The following TRIM14 variants were observed in gnomAD, a reference collection of about 807,000 sequenced individuals.
TRIM14 encodes the protein tripartite motif containing 14.
In TRIM14, 28 loss-of-function variants were observed where a neutral mutation model predicts 44.5. The observed-to-expected ratio is 0.63, with a 90% CI of 0.47 to 0.86. TRIM14 has a LOEUF of 0.86. Among genes scored for constraint, TRIM14 ranks in the 40% least tolerant of loss-of-function variants. The probability of loss-of-function intolerance (pLI) is 0.00; values close to 1 mark genes in which losing one functional copy is unlikely to be tolerated. For synonymous variants in TRIM14, 299 were observed against 269.2 expected, an observed-to-expected ratio of 1.11 and a Z score of -1.08; for missense variants, 607 against 611.1, an observed-to-expected ratio of 0.99 and a Z score of 0.07.
the TRIM14 span, among the ~76,000 whole-genome samples, chr9:98,038,291 A>T: frequency 6.6e-6 from 1 of 152,084 alleles, no homozygotes; most frequent in African/African-American, 2.4e-5. Flanking sequence ...ACCTCAAGTT[A>T]TCTGCCCACC....
rs778293010 is a variant in TRIM14 at position 98,119,023 on chromosome 9, G to A, written c.166C>T (p.His56Tyr). The change falls in exon 1 of 6, where the codon CAC becomes TAC. Residue 56 changes from histidine to tyrosine, a missense_variant. His to Tyr is a moderately conservative substitution (Grantham distance 83). Around this residue, in one of 3 missense-constraint regions of TRIM14, gnomAD observed 246 missense variants for 270.8 expected, o/e 0.91. Transcript: ENST00000341469. The part of the protein sequence containing the change: ...LCPVLGAHRG[H>Y]PVGLALEAAV... ...GCCTCCAGCGCCAGGCCCACAGGGTGGCCACGGTGCGCGCCCAGCACCGGG... is the reference window on the plus strand; with the variant it reads ...GCCTCCAGCGCCAGGCCCACAGGGTAGCCACGGTGCGCGCCCAGCACCGGG... 6.4e-7 allele frequency: 1 copy of A among 1,570,464 alleles called. No individual in the cohort carries two copies. Among genetic ancestry groups the A allele is most frequent in the Non-Finnish European group, 8.6e-7 (1 of 1,167,540 alleles).
rs1473612673 is a variant in TRIM14 at position 98,086,050 on chromosome 9, C to T, written c.*1420G>A. 1 of 152,248 alleles carries T rather than the reference C, an allele frequency of 6.6e-6. No homozygotes were observed. The highest frequency in any genetic ancestry group is 2.4e-5 in the African/African-American group (1 of 41,452). 9.4% of individuals were successfully genotyped at this position (152,248 alleles called of 1,614,324 possible). On this transcript the variant is annotated 3_prime_UTR_variant, in exon 6 of 6. Transcript: ENST00000341469. ...TCCTGTGAGGGCCTACTGTTTTCTA[C>T]CTCTGTCACTTCATTCCAGACAGCT...
At chr9:98,064,205 G>A in the TRIM14 span, among the ~76,000 whole-genome samples, 6,558 of 152,080 alleles carry the variant, frequency 0.043, 432 homozygotes, top group African/African-American at 0.14. Flanking sequence ...CACAGCATTC[G>A]TACGCATGAC....
chr9:98,038,570 C>T, the TRIM14 span, among the ~76,000 whole-genome samples: 10 of 152,174 alleles, frequency 6.6e-5, no homozygotes, highest in African/African-American at 9.7e-5. Flanking sequence ...AACTTGCTTT[C>T]GTGAGATGAC....
intron 1 of TRIM14, among the ~76,000 whole-genome samples, chr9:98,113,622 T>C (rs756512049): frequency 6.6e-6 from 1 of 152,358 alleles, no homozygotes; most frequent in African/African-American, 2.4e-5. Flanking sequence ...CCCAAAGGGC[T>C]AGGATTACAG....
intron 5 of TRIM14, 37 bp from the exon 6 acceptor site, chr9:98,088,042 G>C: frequency 7.0e-7 from 1 of 1,429,806 alleles, no homozygotes; most frequent in Non-Finnish European, 9.0e-7. Flanking sequence ...CCTGGTGGGC[G>C]GGGCCAGCGC....
intron 4 of TRIM14, among the ~76,000 whole-genome samples, chr9:98,093,427 C>T (rs985831498): frequency 6.6e-6 from 1 of 152,136 alleles, no homozygotes; most frequent in African/African-American, 2.4e-5. Flanking sequence ...CCAGGAGAGG[C>T]GACTGCATTA....
intron 2 of TRIM14, among the ~76,000 whole-genome samples, chr9:98,106,834 T>TG (rs1826632539): frequency 6.6e-6 from 1 of 150,624 alleles, no homozygotes; most frequent in Non-Finnish European, 1.5e-5. Flanking sequence ...TCTTTTTTTT[T>TG]TTTTTTTTTG....
At chr9:98,071,212 T>C (rs1182650702) in intron 6 of TRIM14, among the ~76,000 whole-genome samples, 1 of 152,208 alleles carries the variant, frequency 6.6e-6, no homozygotes, top group Non-Finnish European at 1.5e-5. Context: ...CCTGGCTATA[T>C]GATGGCACGA....
chr9:98,104,228 T>C lies in TRIM14; in HGVS notation c.304-4064A>G, dbSNP rs1826516012. ...AATATATATTTACTGAATGATCAAA[T>C]GAAGAAAATAAAATGTATTTCAAAC... On this transcript the variant is annotated intron_variant, in intron 2 of 5. Transcript: ENST00000341469. Among the ~76,000 whole-genome samples the C allele has an allele frequency of 6.6e-5, 10 of 152,250 alleles. No homozygotes were observed. The South Asian group carries it at 2.1e-3, about 32-fold the overall frequency.
intron 6 of TRIM14, chr9:98,076,137 T>C (rs943335787): frequency 6.6e-6 from 1 of 152,168 alleles, no homozygotes; most frequent in Admixed American, 6.5e-5. Context: ...CTGCCAGCCA[T>C]GGATCCTTAT....
intron 5 of TRIM14, 134 bp from the exon 6 acceptor site, chr9:98,088,139 C>A: frequency 1.9e-6 from 2 of 1,025,988 alleles, no homozygotes; most frequent in Non-Finnish European, 2.6e-6. Context: ...GGTGACAGAC[C>A]CCTTTAAACC....
chr9:98,119,049 C>T lies in TRIM14; in HGVS notation c.140G>A (p.Cys47Tyr), dbSNP rs748775309. Residue 47 changes from cysteine to tyrosine, a missense_variant, in exon 1 of 6, where the codon TGC (cysteine) becomes TAC (tyrosine). Coordinates refer to ENST00000341469, the MANE Select transcript of TRIM14 (RefSeq NM_014788.4). ...GCCACGGTGCGCGCCCAGCACCGGG[C>T]AAAGCGCGCACACGCAGCGGCGGCA... ...RRCRRCVCALCPVLGAHRGHP... is the reference protein window; with the variant it reads ...RRCRRCVCALYPVLGAHRGHP... The T allele has an allele frequency of 6.3e-7, 1 of 1,579,430 alleles. No homozygotes were observed. The highest frequency in any genetic ancestry group is 8.5e-7 in the Non-Finnish European group (1 of 1,172,478).
chr9:98,073,252 C>T (rs1829424095), intron 6 of TRIM14, among the ~76,000 whole-genome samples: 1 of 148,156 alleles, frequency 6.7e-6, no homozygotes, highest in South Asian at 2.1e-4. Context: ...CCCTGTTCTC[C>T]CCAGCTCATC....
At chr9:98,056,625 C>A in the TRIM14 span, 25 of 937,356 alleles carry the variant, frequency 2.7e-5, no homozygotes. Flanking sequence ...GCCCCCGCCC[C>A]CCGCCCCGAT....
intron 6 of TRIM14, among the ~76,000 whole-genome samples, chr9:98,070,910 C>T (rs1385987225): frequency 6.6e-6 from 1 of 151,544 alleles, no homozygotes; most frequent in African/African-American, 2.4e-5. Context: ...GGCCCAGGCT[C>T]AAGCGATCCT....
At chr9:98,099,520 G>C (rs560405387) in intron 3 of TRIM14, among the ~76,000 whole-genome samples, 6 of 150,800 alleles carry the variant, frequency 4.0e-5, no homozygotes, top group African/African-American at 1.5e-4. Flanking sequence ...TGGGTTTAGA[G>C]TCAGACAGAC....
At chr9:98,092,894 T>G (rs560538332) in intron 4 of TRIM14, among the ~76,000 whole-genome samples, 1 of 152,354 alleles carries the variant, frequency 6.6e-6, no homozygotes, top group South Asian at 2.1e-4. Flanking sequence ...GAGTGCACTG[T>G]GGCTCAGAGG....
At chr9:98,099,480 T>C (rs2118435726) in intron 3 of TRIM14, among the ~76,000 whole-genome samples, 1 of 147,876 alleles carries the variant, frequency 6.8e-6, no homozygotes, top group African/African-American at 2.5e-5. Context: ...AAAAAGACTG[T>C]ACAGTCAGAG....
Sources: gnomAD v4.1 joint callset for allele counts (sites outside exome capture counted in the v4.1 genomes callset) on GRCh38, gnomAD v4.1.1 for gene constraint, gnomAD v4.1.1 regional missense constraint, MANE v1.5 for transcripts, NCBI Gene and HGNC (gene_info 2026-07-23, HGNC 2026-07-21) for gene names.